The following SEMA5A variants were observed in gnomAD, a reference collection of about 807,000 sequenced individuals.
The protein encoded by SEMA5A is semaphorin-5A.
SEMA5A carries 55 observed loss-of-function variants against 135.5 expected under a neutral mutation model. That is an observed-to-expected ratio of 0.41 (90% CI 0.33 to 0.51). The LOEUF is 0.51. Ranked by LOEUF, SEMA5A falls within the 20% of genes least tolerant of loss-of-function variation. The probability of loss-of-function intolerance (pLI) is 0.37; values close to 1 mark genes in which losing one functional copy is unlikely to be tolerated. For synonymous variants in SEMA5A, 580 were observed against 546.5 expected (o/e 1.06, Z -0.85); for missense variants, 1,290 against 1,419.9 (o/e 0.91, Z 1.47).
intron 3 of SEMA5A, among the ~76,000 whole-genome samples, chr5:9,359,575 C>G (rs1403307779): frequency 6.6e-6 from 1 of 152,152 alleles, no homozygotes; most frequent in African/African-American, 2.4e-5. Flanking sequence ...ATGAGTCAGT[C>G]CTTCCTTTCC....
chr5:9,099,178 C>T (rs1453189448), intron 16 of SEMA5A, among the ~76,000 whole-genome samples: 1 of 152,118 alleles, frequency 6.6e-6, no homozygotes, highest in Non-Finnish European at 1.5e-5. Flanking sequence ...ATACATCATT[C>T]TTAAGCTTGA....
chr5:9,054,187 C>T lies in SEMA5A; in HGVS notation c.2589G>A (p.Met863Ile). The T allele has an allele frequency of 6.2e-7, 1 of 1,614,078 alleles. No individual in the cohort carries two copies. Among genetic ancestry groups the T allele is most frequent in the Middle Eastern group, 1.6e-4 (1 of 6,062 alleles). The stretch of plus-strand genomic sequence containing the variant: ...CTGGATTGGAGCAAGAGCGGGTCCT[C>T]ATATAGTGTCCACCGCCGCATGTTG... ...CSATCGGGHY[M>I]RTRSCSNPAP... The change falls in exon 19 of 23, where the codon ATG (methionine) becomes ATA (isoleucine). Residue 863 changes from methionine to isoleucine, a missense_variant. Coordinates refer to ENST00000382496, the MANE Select transcript of SEMA5A (RefSeq NM_003966.3).
At chr5:9,260,954 G>A (rs1749347661) in intron 5 of SEMA5A, among the ~76,000 whole-genome samples, 3 of 85,666 alleles carry the variant, frequency 3.5e-5, no homozygotes, top group African/African-American at 4.0e-5. Flanking sequence ...AAGTCAAATT[G>A]TCCCTGTTTG....
At chr5:9,421,638 C>T (rs1424319816) in intron 2 of SEMA5A, among the ~76,000 whole-genome samples, 2 of 152,158 alleles carry the variant, frequency 1.3e-5, no homozygotes, top group African/African-American at 4.8e-5. Flanking sequence ...ATGTTTCCAT[C>T]AGTCATGGGT....
At chr5:9,496,098 G>A (rs1324624710) in intron 1 of SEMA5A, among the ~76,000 whole-genome samples, 1 of 152,210 alleles carries the variant, frequency 6.6e-6, no homozygotes, top group Non-Finnish European at 1.5e-5. Context: ...AGGATGGAGT[G>A]CAGTGGCATG....
chr5:9,493,611 T>C (rs17260912), intron 1 of SEMA5A, among the ~76,000 whole-genome samples: 10,838 of 152,262 alleles, frequency 0.071, 569 homozygotes, highest in Non-Finnish European at 0.1. Flanking sequence ...CCTTTGATAA[T>C]AGGATTAAAG....
At chr5:9,078,273 A>C (rs542397579) in intron 16 of SEMA5A, among the ~76,000 whole-genome samples, 4 of 152,206 alleles carry the variant, frequency 2.6e-5, no homozygotes, top group Non-Finnish European at 5.9e-5. Flanking sequence ...GACCTTGAGC[A>C]GAGGCATCTG....
intron 6 of SEMA5A, among the ~76,000 whole-genome samples, chr5:9,230,278 G>T (rs1747557647): frequency 6.6e-6 from 1 of 151,372 alleles, no homozygotes; most frequent in Non-Finnish European, 1.5e-5. Context: ...GGGATTGCAG[G>T]CATGAGCCAC....
chr5:9,169,762 G>A (rs1341477814), intron 11 of SEMA5A, among the ~76,000 whole-genome samples: 1 of 152,140 alleles, frequency 6.6e-6, no homozygotes, highest in African/African-American at 2.4e-5. Context: ...GGCTGCTCAG[G>A]TCTGTGATGG....
chr5:9,160,037 C>A (rs1430424074), intron 11 of SEMA5A, among the ~76,000 whole-genome samples: 1 of 151,984 alleles, frequency 6.6e-6, no homozygotes, highest in Non-Finnish European at 1.5e-5. Flanking sequence ...GGACAACACA[C>A]ACCAGGGCCT....
intron 1 of SEMA5A, among the ~76,000 whole-genome samples, chr5:9,510,612 C>G (rs1225970950): frequency 6.6e-6 from 1 of 152,130 alleles, no homozygotes; most frequent in East Asian, 1.9e-4. Flanking sequence ...CTTTAAGGAA[C>G]TATTTGTCAA....
intron 3 of SEMA5A, among the ~76,000 whole-genome samples, chr5:9,356,912 T>G (rs1754475732): frequency 6.6e-6 from 1 of 152,160 alleles, no homozygotes; most frequent in South Asian, 2.1e-4. Flanking sequence ...GCACCTGATA[T>G]GAACTCCAAG....
intron 16 of SEMA5A, among the ~76,000 whole-genome samples, chr5:9,071,036 A>T (rs1031633552): frequency 1.3e-5 from 2 of 152,212 alleles, no homozygotes; most frequent in Non-Finnish European, 2.9e-5. Context: ...AATGATTTTA[A>T]AAAGGATTTC....
At position 9,197,241 on chromosome 5, in the gene SEMA5A, G is replaced by A; in HGVS notation, c.995C>T (p.Ser332Phe). Residue 332 changes from serine (S) to phenylalanine (F), a missense_variant, in exon 10 of 23, where the codon TCT becomes TTT. By Grantham distance (155) the Ser-to-Phe change is radical. This residue lies in a region of SEMA5A where 1,029 missense variants were observed against 1,086.6 expected (regional missense o/e 0.95). Coordinates refer to ENST00000382496, the MANE Select transcript of SEMA5A (RefSeq NM_003966.3). ...FNLSAIAQAFSGPFKYQENSR... is the reference protein window; with the variant it reads ...FNLSAIAQAFFGPFKYQENSR... ...GTTTTCTTGGTACTTGAAGGGCCCA[G>A]AGAAGGCCTGCGCGATGGCGCTCAG... 2 of 1,614,210 alleles carry A rather than the reference G, an allele frequency of 1.2e-6. No homozygotes were observed. Among genetic ancestry groups the A allele is most frequent in the Non-Finnish European group, 1.7e-6 (2 of 1,180,040 alleles).
chr5:9,067,988 C>T (rs974491535), intron 16 of SEMA5A, among the ~76,000 whole-genome samples: 2 of 151,782 alleles, frequency 1.3e-5, no homozygotes, highest in African/African-American at 4.8e-5. Flanking sequence ...CTTGATTATT[C>T]CCTGTTATTG....
At chr5:9,294,978 C>T (rs1474940984) in intron 5 of SEMA5A, among the ~76,000 whole-genome samples, 1 of 152,172 alleles carries the variant, frequency 6.6e-6, no homozygotes, top group East Asian at 1.9e-4. Context: ...CAAAGCACAA[C>T]TTCCTGTCTT....
chr5:9,091,463 G>A (rs1739030456), intron 16 of SEMA5A, among the ~76,000 whole-genome samples: 3 of 151,748 alleles, frequency 2.0e-5, no homozygotes, highest in Admixed American at 2.0e-4. Context: ...TGTAAGATAT[G>A]TGCACCCGAG....
At position 9,051,996 on chromosome 5, in the gene SEMA5A, A is replaced by T; in HGVS notation, c.2722T>A (p.Cys908Ser). ...SWSEWSDWSE[C>S]EASGVQVRAR... ...CGGACTTGGACGCCAGAGGCTTCAC[A>T]CTCAGACCAGTCCGACCACTCCGAC... Residue 908 changes from cysteine (C) to serine (S), a missense_variant, in exon 20 of 23, where the codon TGT (cysteine) becomes AGT (serine). Transcript: ENST00000382496. 6.2e-7 allele frequency: 1 copy of T among 1,613,382 alleles called. No homozygotes were observed. The highest frequency in any genetic ancestry group is 1.3e-5 in the African/African-American group (1 of 75,022).
At chr5:9,492,297 C>T (rs1439211822) in intron 1 of SEMA5A, among the ~76,000 whole-genome samples, 1 of 152,132 alleles carries the variant, frequency 6.6e-6, no homozygotes, top group Non-Finnish European at 1.5e-5. Context: ...GTTATTGCAC[C>T]TTTTTCCAGA....
Sources: allele counts gnomAD v4.1 joint callset (sites outside exome capture counted in the v4.1 genomes callset), GRCh38; gene constraint gnomAD v4.1.1; regional missense constraint gnomAD v4.1.1; transcripts MANE v1.5; gene names NCBI Gene and HGNC (gene_info 2026-07-23, HGNC 2026-07-21).